The following LSAMP variants were observed in gnomAD, a reference collection of about 807,000 sequenced individuals.
The protein encoded by LSAMP is limbic system-associated membrane protein.
LSAMP carries 7 observed loss-of-function variants against 38.6 expected under a neutral mutation model. That is an observed-to-expected ratio of 0.18 (90% CI 0.10 to 0.34). The LOEUF (loss-of-function observed/expected upper bound fraction) is 0.34. Among genes scored for constraint, LSAMP ranks in the 10% least tolerant of loss-of-function variants. The pLI is 1.00. For missense variants in LSAMP, 313 were observed against 420.0 expected, an observed-to-expected ratio of 0.75 and a Z score of 2.23; for synonymous variants, 154 against 166.8, an observed-to-expected ratio of 0.92 and a Z score of 0.59.
At chr3:115,865,408 TAA>T (rs1935828575) in intron 3 of LSAMP, among the ~76,000 whole-genome samples, 1 of 152,154 alleles carries the variant, frequency 6.6e-6, no homozygotes, top group Non-Finnish European at 1.5e-5. Flanking sequence ...TTCCAGAAAA[TAA>T]GTCTCTGTAG....
At chr3:116,200,993 C>A (rs1430342235) in intron 1 of LSAMP, among the ~76,000 whole-genome samples, 1 of 152,154 alleles carries the variant, frequency 6.6e-6, no homozygotes, top group Non-Finnish European at 1.5e-5. Flanking sequence ...GCTCTGACAG[C>A]CACAAAAACA....
chr3:115,932,220 T>G (rs1156712225), intron 3 of LSAMP, among the ~76,000 whole-genome samples: 1 of 152,168 alleles, frequency 6.6e-6, no homozygotes, highest in Non-Finnish European at 1.5e-5. Context: ...ACTGTTCCCA[T>G]ATTATAGATA....
intron 1 of LSAMP, among the ~76,000 whole-genome samples, chr3:116,162,730 G>T (rs1260457144): frequency 6.7e-6 from 1 of 148,456 alleles, no homozygotes; most frequent in Non-Finnish European, 1.5e-5. Flanking sequence ...GTGTGTGAGA[G>T]TGTGTGTGTA....
At chr3:116,214,463 A>G (rs904659650) in intron 1 of LSAMP, among the ~76,000 whole-genome samples, 1 of 149,886 alleles carries the variant, frequency 6.7e-6, no homozygotes, top group Non-Finnish European at 1.5e-5. Flanking sequence ...TTTTCTGTTT[A>G]TAATGTGAGC....
At chr3:116,084,578 C>G (rs1707947000) in intron 2 of LSAMP, among the ~76,000 whole-genome samples, 1 of 151,908 alleles carries the variant, frequency 6.6e-6, no homozygotes, top group Non-Finnish European at 1.5e-5. Flanking sequence ...GAGCAAGTAA[C>G]CTAAATTTAA....
chr3:115,852,493 G>A lies in LSAMP; in HGVS notation c.639C>T (p.Val213=). 1 of 1,612,252 alleles carries A rather than the reference G, an allele frequency of 6.2e-7. No homozygotes were observed. Among genetic ancestry groups the A allele is most frequent in the Non-Finnish European group, 8.5e-7 (1 of 1,179,246 alleles). The change falls in exon 4 of 7, where the codon GTC becomes GTT. Residue 213 remains valine (V), a synonymous_variant. Coordinates refer to ENST00000490035, the MANE Select transcript of LSAMP (RefSeq NM_002338.5). The part of the protein sequence containing the change: ...VSSADVKQVK[V]TVNYPPTITE... Reference sequence around the variant, plus strand: ...TCCTGCCGTACTCACAGTTCACAGTGACCTTGACTTGTTTGACATCCGCCG... The same window carrying A: ...TCCTGCCGTACTCACAGTTCACAGTAACCTTGACTTGTTTGACATCCGCCG...
intron 2 of LSAMP, among the ~76,000 whole-genome samples, chr3:116,085,352 C>T (rs1707965713): frequency 6.6e-6 from 1 of 152,194 alleles, no homozygotes; most frequent in South Asian, 2.1e-4. Flanking sequence ...AATTTAAACA[C>T]TACAATAATC....
intron 1 of LSAMP, among the ~76,000 whole-genome samples, chr3:116,255,995 G>A (rs548321526): frequency 6.6e-6 from 1 of 152,102 alleles, no homozygotes; most frequent in East Asian, 1.9e-4. Context: ...TTCTTTTTGG[G>A]TTTTCCTTTT....
chr3:116,289,083 T>C (rs1333136010), intron 1 of LSAMP, among the ~76,000 whole-genome samples: 1 of 152,316 alleles, frequency 6.6e-6, no homozygotes, highest in Admixed American at 6.5e-5. Context: ...TTATTTATCA[T>C]GTTTTATAAA....
At chr3:116,274,663 T>C (rs992618177) in intron 1 of LSAMP, among the ~76,000 whole-genome samples, 5 of 152,114 alleles carry the variant, frequency 3.3e-5, no homozygotes, top group African/African-American at 1.2e-4. Flanking sequence ...AGACAGAAAT[T>C]TGTCACTGGA....
intron 3 of LSAMP, among the ~76,000 whole-genome samples, chr3:115,971,459 C>G (rs1939015937): frequency 6.6e-6 from 1 of 152,106 alleles, no homozygotes; most frequent in Admixed American, 6.5e-5. Flanking sequence ...CTGAAGGACT[C>G]TTGATTTTAT....
At chr3:115,877,421 C>T (rs1936208929) in intron 3 of LSAMP, among the ~76,000 whole-genome samples, 1 of 152,066 alleles carries the variant, frequency 6.6e-6, no homozygotes, top group Non-Finnish European at 1.5e-5. Flanking sequence ...AATACATGTA[C>T]ATATTTTATT....
chr3:116,273,200 C>T (rs930529837), intron 1 of LSAMP, among the ~76,000 whole-genome samples: 1 of 152,024 alleles, frequency 6.6e-6, no homozygotes, highest in Admixed American at 6.6e-5. Context: ...CTATCTCCAC[C>T]TCATCTTATC....
At chr3:116,338,096 C>G (rs550144380) in intron 1 of LSAMP, among the ~76,000 whole-genome samples, 13 of 152,120 alleles carry the variant, frequency 8.5e-5, no homozygotes, top group Non-Finnish European at 1.9e-4. Context: ...GCTTGTTTTA[C>G]CTACCTTTTC....
chr3:115,999,128 T>C (rs1318966529), intron 3 of LSAMP, among the ~76,000 whole-genome samples: 1 of 152,102 alleles, frequency 6.6e-6, no homozygotes, highest in Non-Finnish European at 1.5e-5. Context: ...GATGCCAGGA[T>C]TGGCTTGTGG....
chr3:116,184,622 TGCAG>T (rs1268491030), intron 1 of LSAMP, among the ~76,000 whole-genome samples: 2 of 151,976 alleles, frequency 1.3e-5, no homozygotes. Flanking sequence ...AAGATTGTGT[TGCAG>T]GTACCTGCAG....
At chr3:116,195,279 T>C (rs1054618184) in intron 1 of LSAMP, among the ~76,000 whole-genome samples, 1 of 152,220 alleles carries the variant, frequency 6.6e-6, no homozygotes, top group Admixed American at 6.5e-5. Flanking sequence ...GTTACAAATA[T>C]TTGAATTGAA....
chr3:116,137,856 T>C (rs1049057295), intron 1 of LSAMP, among the ~76,000 whole-genome samples: 1 of 152,210 alleles, frequency 6.6e-6, no homozygotes, highest in African/African-American at 2.4e-5. Flanking sequence ...GGTGTGTTTT[T>C]GTTTTTGCCT....
intron 1 of LSAMP, among the ~76,000 whole-genome samples, chr3:116,311,024 A>G (rs1264438270): frequency 6.6e-6 from 1 of 151,946 alleles, no homozygotes; most frequent in East Asian, 1.9e-4. Flanking sequence ...AAGTTTGTCA[A>G]TTTAACGGCA....
Sources: gnomAD v4.1 joint callset for allele counts (sites outside exome capture counted in the v4.1 genomes callset) on GRCh38, gnomAD v4.1.1 for gene constraint, MANE v1.5 for transcripts, NCBI Gene and HGNC (gene_info 2026-07-23, HGNC 2026-07-21) for gene names.